The following ABCC8 variants were observed in gnomAD, a reference collection of about 807,000 sequenced individuals.
ABCC8 encodes the protein ATP-binding cassette sub-family C member 8.
A neutral mutation model predicts 188.0 loss-of-function variants in ABCC8; 137 were observed. That is an observed-to-expected ratio of 0.73 (90% CI 0.63 to 0.84). The LOEUF (loss-of-function observed/expected upper bound fraction) is 0.84, where lower values mean the gene tolerates loss of function less well. ABCC8 is among the 40% of genes least tolerant of loss of function. The pLI is 0.00. For synonymous variants in ABCC8, 797 were observed against 846.5 expected (o/e 0.94, Z 1.01); for missense variants, 1,750 against 2,072.7 (o/e 0.84, Z 3.02).
chr11:17,406,054 G>A (rs1954504075), intron 26 of ABCC8, among the ~76,000 whole-genome samples: 1 of 152,274 alleles, frequency 6.6e-6, no homozygotes, highest in Non-Finnish European at 1.5e-5. Context: ...AAAAAGTGCA[G>A]TTAGATTGTG....
chr11:17,465,267 G>A (rs111709395), intron 3 of ABCC8: 8 of 152,258 alleles, frequency 5.3e-5, no homozygotes, highest in African/African-American at 1.9e-4. Context: ...AAGCCCTTTA[G>A]CCCTTAGTGA....
At chr11:17,462,592 A>T (rs1220805731) in intron 4 of ABCC8, among the ~76,000 whole-genome samples, 1 of 152,244 alleles carries the variant, frequency 6.6e-6, no homozygotes, top group Non-Finnish European at 1.5e-5. Flanking sequence ...TAAATATATA[A>T]GTATGTTCAA....
At chr11:17,452,029 T>A (rs1476576071) in intron 7 of ABCC8, among the ~76,000 whole-genome samples, 1 of 152,234 alleles carries the variant, frequency 6.6e-6, no homozygotes, top group Non-Finnish European at 1.5e-5. Context: ...AGGTCTCTGA[T>A]CATTGAGTAG....
chr11:17,408,638 C>G lies in ABCC8; in HGVS notation c.2695-121G>C. ...TCCCTTTCCTCACTACAAATGGCCACCAGCTCATCCACTGCAAGTGGGCTG... is the reference window on the plus strand; with the variant it reads ...TCCCTTTCCTCACTACAAATGGCCAGCAGCTCATCCACTGCAAGTGGGCTG... On this transcript the variant is annotated intron_variant, in intron 22 of 38. Transcript: ENST00000389817. 4.8e-6 allele frequency: 7 copies of G among 1,454,430 alleles called. No homozygotes were observed. In the South Asian group the frequency reaches 8.1e-5, roughly 17 times the overall value. The allele number at this position is 1,454,430 out of a possible 1,614,324, so 90.1% of individuals were successfully genotyped here.
chr11:17,415,497 G>T, intron 17 of ABCC8, 158 bp from the exon 18 acceptor site: 1 of 965,862 alleles, frequency 1.0e-6, no homozygotes, highest in Non-Finnish European at 1.2e-6. Context: ...TGTGGAGAGT[G>T]GGGTGTGCCC....
intron 27 of ABCC8, among the ~76,000 whole-genome samples, chr11:17,405,200 A>G (rs1308013659): frequency 6.6e-6 from 1 of 152,256 alleles, no homozygotes; most frequent in Non-Finnish European, 1.5e-5. Context: ...ATCAAAATGA[A>G]TATTCTCCAT....
At chr11:17,440,711 C>T (rs189566756) in intron 10 of ABCC8, among the ~76,000 whole-genome samples, 3 of 152,252 alleles carry the variant, frequency 2.0e-5, no homozygotes, top group African/African-American at 7.2e-5. Context: ...GATGACTGGA[C>T]CACATTCCCT....
At chr11:17,416,751 C>T (rs1467494900) in intron 17 of ABCC8, among the ~76,000 whole-genome samples, 179 bp downstream of exon 17, 1 of 152,174 alleles carries the variant, frequency 6.6e-6, no homozygotes, top group Non-Finnish European at 1.5e-5. Context: ...TGTTTTCTGT[C>T]CCCAAGAACC....
Position 17,398,371 on chromosome 11 carries a change from T to C in ABCC8, c.3721A>G (p.Thr1241Ala). The C allele has an allele frequency of 1.2e-6, 2 of 1,614,090 alleles. No individual in the cohort carries two copies. ...DSNNIASLFLTAANRWLEVRM... is the reference protein window; with the variant it reads ...DSNNIASLFLAAANRWLEVRM... ...ACTTCCAGCCATCTGTTGGCAGCTG[T>C]GAGGAAGAGGGAAGCAATGTTGTTG... Residue 1241 changes from threonine to alanine, a missense_variant, in exon 30 of 39, where the codon ACA (threonine) becomes GCA (alanine). Coordinates refer to ENST00000389817, the MANE Select transcript of ABCC8 (RefSeq NM_000352.6).
chr11:17,407,468 T>C lies in ABCC8; in HGVS notation c.2821-15A>G. On this transcript the variant is annotated splice_polypyrimidine_tract_variant and intron_variant, in intron 23 of 38. Transcript: ENST00000389817. The stretch of plus-strand genomic sequence containing the variant: ...GTGACAGTCTCCTAAAAGACAGATG[T>C]GGCCTGGGCAATGTCTTCAGGATAT... 1 of 1,614,078 alleles carries C rather than the reference T, an allele frequency of 6.2e-7. No homozygotes were observed. Among genetic ancestry groups the C allele is most frequent in the Non-Finnish European group, 8.5e-7 (1 of 1,179,994 alleles).
Position 17,398,452 on chromosome 11 carries a change from G to T in ABCC8, c.3651-11C>A. On this transcript the variant is annotated splice_polypyrimidine_tract_variant and intron_variant, in intron 29 of 38. Transcript: ENST00000389817. Reference sequence around the variant, plus strand: ...AACCGGGCCTCATACCTGGAGGGAGGATGAGAAGCTCCTAAGGGAACAGTG... The same window carrying T: ...AACCGGGCCTCATACCTGGAGGGAGTATGAGAAGCTCCTAAGGGAACAGTG... 2 of 1,614,006 alleles carry T rather than the reference G, an allele frequency of 1.2e-6. No homozygotes were observed. The highest frequency in any genetic ancestry group is 2.2e-5 in the South Asian group (2 of 91,050).
rs1954379573 is a variant in ABCC8, at chr11:17,404,019, A to G, written c.3557+493T>C. On this transcript the variant is annotated intron_variant, in intron 28 of 38. Transcript: ENST00000389817. This position sits in a 1 kb window ranked among gnomAD's most constrained non-coding sequence, Gnocchi z 4.7. ...GAGGAAAGAGGCGTGCATGGATCCA[A>G]AGCTCATGAGGGCAAATGTGATCCA... Among the ~76,000 whole-genome samples, 1 of 152,192 alleles carries G rather than the reference A, an allele frequency of 6.6e-6. No homozygotes were observed. Among genetic ancestry groups the G allele is most frequent in the South Asian group, 2.1e-4 (1 of 4,830 alleles).
intron 3 of ABCC8, among the ~76,000 whole-genome samples, chr11:17,468,971 T>C (rs1848320494): frequency 6.6e-6 from 1 of 152,094 alleles, no homozygotes; most frequent in Non-Finnish European, 1.5e-5. Flanking sequence ...CTCTAAATGT[T>C]AGCAAACCTC....
intron 37 of ABCC8, among the ~76,000 whole-genome samples, chr11:17,394,020 G>C (rs1953770368): frequency 6.6e-6 from 1 of 152,188 alleles, no homozygotes; most frequent in Non-Finnish European, 1.5e-5. Flanking sequence ...TGTGAAGTCT[G>C]TGTGGGTCTG....
At chr11:17,444,021 A>G (rs1382791128) in intron 8 of ABCC8, among the ~76,000 whole-genome samples, 4 of 150,860 alleles carry the variant, frequency 2.7e-5, no homozygotes, top group Non-Finnish European at 5.9e-5. Flanking sequence ...CTTAGCTAAA[A>G]AGAGAGAGAG....
intron 16 of ABCC8, among the ~76,000 whole-genome samples, chr11:17,418,218 C>T (rs918483642): frequency 6.6e-6 from 1 of 152,140 alleles, no homozygotes; most frequent in African/African-American, 2.4e-5. Flanking sequence ...CCGACTCCAA[C>T]GTTCATACTC....
chr11:17,437,964 G>A (rs1956172675), intron 10 of ABCC8, among the ~76,000 whole-genome samples: 1 of 152,208 alleles, frequency 6.6e-6, no homozygotes, highest in Non-Finnish European at 1.5e-5. Context: ...TACTGGGCAT[G>A]GTAGAGAGCA....
chr11:17,401,933 C>T (rs1430633145), intron 29 of ABCC8, among the ~76,000 whole-genome samples: 1 of 152,188 alleles, frequency 6.6e-6, no homozygotes, highest in African/African-American at 2.4e-5. Flanking sequence ...ACCTCTGGTA[C>T]AAAAACCTTC....
In ABCC8 at chr11:17,410,539, G is replaced by A. The variant is rs2133460957; in HGVS notation, c.2671C>T (p.Gln891Ter). ...RTVVLVTHKL[Q>*]YLPHADWIIA... ...ACCCAGTCTGCATGGGGCAGGTACT[G>A]TAGCTTGTGGGTCACTAAGACCACT... Residue 891 changes from glutamine to a stop codon, truncating the protein, a stop_gained, in exon 22 of 39, where the codon CAG (glutamine) becomes TAG (stop). Coordinates refer to ENST00000389817, the MANE Select transcript of ABCC8 (RefSeq NM_000352.6). LOFTEE classifies it high-confidence loss of function. The A allele has an allele frequency of 6.2e-7, 1 of 1,614,180 alleles. No homozygotes were observed. The highest frequency in any genetic ancestry group is 8.5e-7 in the Non-Finnish European group (1 of 1,180,040).
Sources: allele counts gnomAD v4.1 joint callset (sites outside exome capture counted in the v4.1 genomes callset), GRCh38; gene constraint gnomAD v4.1.1; non-coding constraint Gnocchi (gnomAD v3.1); transcripts MANE v1.5; gene names NCBI Gene and HGNC (gene_info 2026-07-23, HGNC 2026-07-21).